Variants in PLCB1 observed in about 807,000 individuals in gnomAD.
The protein encoded by PLCB1 is phospholipase C beta 1, also known as 1-phosphatidylinositol 4,5-bisphosphate phosphodiesterase beta-1.
A neutral mutation model predicts 161.8 loss-of-function variants in PLCB1; 46 were observed. That is an observed-to-expected ratio of 0.28 (90% CI 0.22 to 0.36). The LOEUF (loss-of-function observed/expected upper bound fraction) is 0.36, where lower values mean the gene tolerates loss of function less well. Ranked by LOEUF, PLCB1 falls within the 10% of genes least tolerant of loss-of-function variation. The pLI is 1.00. For missense variants in PLCB1, 1,016 were observed against 1,472.5 expected (o/e 0.69, Z 5.07); for synonymous variants, 517 against 503.7 (o/e 1.03, Z -0.35).
intron 3 of PLCB1, among the ~76,000 whole-genome samples, chr20:8,626,992 A>T (rs1259655796): frequency 6.6e-6 from 1 of 152,082 alleles, no homozygotes; most frequent in Non-Finnish European, 1.5e-5. Flanking sequence ...TTTGATATAG[A>T]CCTCTCCTTT....
At chr20:8,589,703 C>T (rs992365059) in intron 3 of PLCB1, among the ~76,000 whole-genome samples, 2 of 146,502 alleles carry the variant, frequency 1.4e-5, no homozygotes, top group Non-Finnish European at 3.0e-5. Context: ...GCAGCCTCAA[C>T]CTTCTGGGCT....
At chr20:8,491,307 T>C (rs1439286225) in intron 3 of PLCB1, among the ~76,000 whole-genome samples, 1 of 152,172 alleles carries the variant, frequency 6.6e-6, no homozygotes, top group African/African-American at 2.4e-5. Context: ...TGTATAAATC[T>C]TTCATATTTC....
At chr20:8,271,667 G>A (rs1982290241) in intron 2 of PLCB1, among the ~76,000 whole-genome samples, 1 of 152,100 alleles carries the variant, frequency 6.6e-6, no homozygotes, top group Non-Finnish European at 1.5e-5. Flanking sequence ...AAGAGGCAAG[G>A]TAGAGAGTCT....
chr20:8,651,725 T>C, intron 7 of PLCB1: 1 of 463,042 alleles, frequency 2.2e-6, no homozygotes, highest in East Asian at 3.0e-5. Flanking sequence ...AACAAATGCG[T>C]CTGTAAACTG....
intron 11 of PLCB1, among the ~76,000 whole-genome samples, chr20:8,699,368 G>A (rs1289961693): frequency 1.3e-5 from 2 of 152,230 alleles, no homozygotes; most frequent in Non-Finnish European, 2.9e-5. Context: ...ACCAAGGTTA[G>A]TGACGAAGCT....
intron 1 of PLCB1, among the ~76,000 whole-genome samples, chr20:8,146,364 T>A (rs1019734298): frequency 1.3e-5 from 2 of 152,212 alleles, no homozygotes; most frequent in Non-Finnish European, 1.5e-5. Context: ...TTGGTCTAGG[T>A]ATCTGTAAAA....
chr20:8,686,309 T>G (rs762323141), intron 10 of PLCB1, among the ~76,000 whole-genome samples: 3 of 152,194 alleles, frequency 2.0e-5, no homozygotes, highest in Non-Finnish European at 4.4e-5. Context: ...TCTGAGCACA[T>G]TATAGAATCT....
chr20:8,593,921 G>C (rs1987238784), intron 3 of PLCB1, among the ~76,000 whole-genome samples: 1 of 152,062 alleles, frequency 6.6e-6, no homozygotes, highest in South Asian at 2.1e-4. Context: ...ATCTTGCTCT[G>C]TTACCCAGGC....
intron 2 of PLCB1, among the ~76,000 whole-genome samples, chr20:8,247,531 A>C (rs1253874222): frequency 6.6e-6 from 1 of 151,946 alleles, no homozygotes; most frequent in East Asian, 1.9e-4. Flanking sequence ...AAATGAAAAC[A>C]TGAATTTAAG....
At chr20:8,700,433 ACT>A (rs1468115284) in intron 11 of PLCB1, among the ~76,000 whole-genome samples, 1 of 152,012 alleles carries the variant, frequency 6.6e-6, no homozygotes, top group East Asian at 1.9e-4. Context: ...ACTTGGAGTG[ACT>A]CTCCTTGTGC....
intron 3 of PLCB1, among the ~76,000 whole-genome samples, chr20:8,584,830 A>G (rs949261942): frequency 7.2e-5 from 11 of 152,068 alleles, no homozygotes; most frequent in Non-Finnish European, 1.3e-4. Context: ...AGCTGGGACT[A>G]TAGGCGCCCG....
intron 5 of PLCB1, among the ~76,000 whole-genome samples, chr20:8,646,627 A>G (rs1230998838): frequency 6.6e-6 from 1 of 152,228 alleles, no homozygotes; most frequent in Non-Finnish European, 1.5e-5. Flanking sequence ...TTAAATCAAT[A>G]GGCTGACATC....
intron 2 of PLCB1, among the ~76,000 whole-genome samples, chr20:8,171,976 C>G (rs62198558): frequency 2.0e-5 from 3 of 151,908 alleles, no homozygotes; most frequent in African/African-American, 7.3e-5. Context: ...TCTGTTGTTG[C>G]GTATCATATG....
intron 3 of PLCB1, among the ~76,000 whole-genome samples, chr20:8,402,535 T>C (rs1319747870): frequency 6.6e-6 from 1 of 152,028 alleles, no homozygotes. Context: ...CACCGAATCT[T>C]TTAAAAAATA....
chr20:8,359,592 G>T (rs1263774506), intron 2 of PLCB1, among the ~76,000 whole-genome samples: 1 of 152,118 alleles, frequency 6.6e-6, no homozygotes, highest in South Asian at 2.1e-4. Flanking sequence ...CTCACGTGAT[G>T]ATGAGAAAAA....
intron 3 of PLCB1, among the ~76,000 whole-genome samples, chr20:8,384,968 G>C (rs564380097): frequency 6.6e-6 from 1 of 152,214 alleles, no homozygotes; most frequent in South Asian, 2.1e-4. Context: ...TCCTGTATAG[G>C]GTGTCTGACA....
intron 2 of PLCB1, among the ~76,000 whole-genome samples, chr20:8,266,500 T>C (rs532007565): frequency 5.0e-4 from 76 of 152,316 alleles, no homozygotes; most frequent in African/African-American, 1.7e-3. Context: ...AATATCCTGT[T>C]GCTTAAAGAA....
intron 2 of PLCB1, among the ~76,000 whole-genome samples, chr20:8,270,538 G>A (rs943069566): frequency 6.6e-6 from 1 of 152,100 alleles, no homozygotes; most frequent in Non-Finnish European, 1.5e-5. Flanking sequence ...ATATGTTACA[G>A]CATCTTCAGT....
chr20:8,570,923 G>A (rs747137539), intron 3 of PLCB1, among the ~76,000 whole-genome samples: 2 of 152,152 alleles, frequency 1.3e-5, no homozygotes, highest in East Asian at 1.9e-4. Context: ...AGCACACAGA[G>A]AAGAAAGCTC....
Sources: gnomAD v4.1 joint callset for allele counts (sites outside exome capture counted in the v4.1 genomes callset) on GRCh38, gnomAD v4.1.1 for gene constraint, MANE v1.5 for transcripts, NCBI Gene and HGNC (gene_info 2026-07-23, HGNC 2026-07-21) for gene names.